NRXN3: variants seen among roughly 807,000 people sequenced by gnomAD.
The protein encoded by NRXN3 is neurexin 3.
In NRXN3, 32 loss-of-function variants were observed where a neutral mutation model predicts 137.6. That is an observed-to-expected ratio of 0.23 (90% confidence interval 0.18 to 0.31). The LOEUF is 0.31. NRXN3 is among the 10% of genes least tolerant of loss of function. The probability of loss-of-function intolerance (pLI) is 1.00; values close to 1 mark genes in which losing one functional copy is unlikely to be tolerated. For missense variants in NRXN3, 1,574 were observed against 2,062.5 expected, an observed-to-expected ratio of 0.76 and a Z score of 4.59; for synonymous variants, 798 against 784.5, an observed-to-expected ratio of 1.02 and a Z score of -0.29.
At chr14:79,806,304 T>C (rs1032253769) in intron 20 of NRXN3, among the ~76,000 whole-genome samples, 8 of 152,200 alleles carry the variant, frequency 5.3e-5, no homozygotes, top group African/African-American at 1.7e-4. Context: ...ACCTTCCATT[T>C]CTGACCCCTA....
In NRXN3 at chr14:78,714,472, C is replaced by T. The variant is rs555910437; in HGVS notation, c.1661-284C>T. Reference sequence around the variant, plus strand: ...CAGGCAGGAACTGTGCTGCTCTCAACCTGTATGGTCTCAGCCAAGAGGGTT... The same window carrying T: ...CAGGCAGGAACTGTGCTGCTCTCAATCTGTATGGTCTCAGCCAAGAGGGTT... On this transcript the variant is annotated intron_variant, in intron 7 of 20. Coordinates refer to ENST00000335750, the MANE Select transcript of NRXN3 (RefSeq NM_001330195.2). Among the ~76,000 whole-genome samples, 40 of 152,256 alleles carry T rather than the reference C, an allele frequency of 2.6e-4. No individual in the cohort carries two copies. The South Asian group carries it at 6.6e-3, about 25-fold the overall frequency.
chr14:79,752,243 T>G (rs929261565), intron 19 of NRXN3, among the ~76,000 whole-genome samples: 2 of 152,078 alleles, frequency 1.3e-5, no homozygotes, highest in Admixed American at 6.5e-5. Context: ...ATTGCCACAA[T>G]TTCAGATCCT....
intron 8 of NRXN3, among the ~76,000 whole-genome samples, chr14:78,755,178 G>A (rs574416591): frequency 1.4e-5 from 2 of 148,006 alleles, no homozygotes; most frequent in African/African-American, 2.6e-5. Flanking sequence ...ACCATGCCTG[G>A]CTAGTTTTTG....
At chr14:79,397,423 G>A (rs1349608538) in intron 15 of NRXN3, among the ~76,000 whole-genome samples, 1 of 152,188 alleles carries the variant, frequency 6.6e-6, no homozygotes, top group Non-Finnish European at 1.5e-5. Flanking sequence ...CAAACACTTG[G>A]ATGAATAAAT....
intron 16 of NRXN3, among the ~76,000 whole-genome samples, chr14:79,628,363 C>T (rs758465220): frequency 9.9e-5 from 15 of 152,200 alleles, no homozygotes; most frequent in Non-Finnish European, 1.8e-4. Context: ...GTTCCTATGA[C>T]ATTTTTAAAG....
chr14:79,142,275 A>G (rs572339454), intron 15 of NRXN3, among the ~76,000 whole-genome samples: 2 of 152,090 alleles, frequency 1.3e-5, no homozygotes, highest in Non-Finnish European at 2.9e-5. Flanking sequence ...AAAATACAAA[A>G]AGTAGCCAGG....
chr14:79,704,178 A>G (rs539300798), intron 19 of NRXN3, among the ~76,000 whole-genome samples: 2 of 152,260 alleles, frequency 1.3e-5, no homozygotes, highest in East Asian at 1.9e-4. Context: ...GTATGAAACC[A>G]CTATTTTTGT....
chr14:78,557,913 A>G (rs1225045756), intron 4 of NRXN3, among the ~76,000 whole-genome samples: 1 of 152,224 alleles, frequency 6.6e-6, no homozygotes. Flanking sequence ...CTGTACACCC[A>G]GCACTGTTCT....
chr14:79,661,151 A>T (rs2098531348), intron 16 of NRXN3, among the ~76,000 whole-genome samples: 1 of 152,166 alleles, frequency 6.6e-6, no homozygotes, highest in Non-Finnish European at 1.5e-5. Context: ...TTTTAAAGCT[A>T]GGTGCTTTTC....
At chr14:79,820,144 T>C (rs1487192265) in intron 20 of NRXN3, among the ~76,000 whole-genome samples, 3 of 152,176 alleles carry the variant, frequency 2.0e-5, no homozygotes, top group Non-Finnish European at 4.4e-5. Flanking sequence ...GCTGAGAGCC[T>C]CTTCTTTCCC....
chr14:78,327,037 A>C, intron 4 of NRXN3, among the ~76,000 whole-genome samples: 1 of 152,164 alleles, frequency 6.6e-6, no homozygotes, highest in East Asian at 1.9e-4. Flanking sequence ...TATGTATTTT[A>C]AGTACTTACA....
chr14:79,551,377 T>C (rs1567475378), intron 16 of NRXN3, among the ~76,000 whole-genome samples: 1 of 152,100 alleles, frequency 6.6e-6, no homozygotes, highest in Non-Finnish European at 1.5e-5. Flanking sequence ...TCTAATAGTC[T>C]CTGAAATGAT....
chr14:78,986,259 C>G (rs1344227164), intron 14 of NRXN3, among the ~76,000 whole-genome samples: 1 of 152,144 alleles, frequency 6.6e-6, no homozygotes, highest in African/African-American at 2.4e-5. Flanking sequence ...CTGACTAATA[C>G]ATTTGGTGAG....
At chr14:79,278,297 G>A (rs1342481821) in intron 15 of NRXN3, among the ~76,000 whole-genome samples, 1 of 152,206 alleles carries the variant, frequency 6.6e-6, no homozygotes, top group Non-Finnish European at 1.5e-5. Context: ...AACCTGGCCT[G>A]AGAGGGCAGC....
chr14:78,701,927 C>T (rs1015279545), intron 6 of NRXN3, among the ~76,000 whole-genome samples: 2 of 152,190 alleles, frequency 1.3e-5, no homozygotes, highest in Admixed American at 1.3e-4. Context: ...AAAATGGTGG[C>T]ATCCATGCGA....
intron 8 of NRXN3, among the ~76,000 whole-genome samples, chr14:78,719,880 A>G (rs904826055): frequency 1.3e-5 from 2 of 152,234 alleles, no homozygotes; most frequent in East Asian, 1.9e-4. Flanking sequence ...TAGGGTTGGC[A>G]GATACCGTTA....
chr14:78,243,893 A>G lies in NRXN3; in HGVS notation c.709+91A>G, dbSNP rs531370873. 4.3e-6 allele frequency: 4 copies of G among 925,186 alleles called. No homozygotes were observed. In the South Asian group the frequency reaches 6.5e-5, roughly 15 times the overall value. 57.3% of individuals were successfully genotyped at this position (925,186 alleles called of 1,614,324 possible). The stretch of plus-strand genomic sequence containing the variant: ...ACAAACCAGTTCTATATGGATGCAT[A>G]TCTTTAGCTGCATGTTAGATCACTG... On this transcript the variant is annotated intron_variant, in intron 2 of 20. Transcript: ENST00000335750. This position sits in a 1 kb window ranked among gnomAD's most constrained non-coding sequence, Gnocchi z 4.2.
At chr14:79,690,037 A>G (rs2098710438) in intron 17 of NRXN3, among the ~76,000 whole-genome samples, 1 of 152,188 alleles carries the variant, frequency 6.6e-6, no homozygotes, top group African/African-American at 2.4e-5. Flanking sequence ...CAACAATGGC[A>G]GATACAGAAA....
chr14:78,311,916 C>T (rs998019480), intron 4 of NRXN3, among the ~76,000 whole-genome samples: 5 of 152,238 alleles, frequency 3.3e-5, no homozygotes, highest in South Asian at 2.1e-4. Context: ...TTCCTTTAGT[C>T]GATTCCACTG....
Sources: allele counts gnomAD v4.1 joint callset (sites outside exome capture counted in the v4.1 genomes callset), GRCh38; gene constraint gnomAD v4.1.1; non-coding constraint Gnocchi (gnomAD v3.1); transcripts MANE v1.5; gene names NCBI Gene and HGNC (gene_info 2026-07-23, HGNC 2026-07-21).